Variants in GRID2 observed in about 807,000 individuals in gnomAD.
GRID2 encodes the protein glutamate ionotropic receptor delta type subunit 2, also known as glutamate receptor ionotropic, delta-2.
GRID2 carries 33 observed loss-of-function variants against 114.8 expected under a neutral mutation model. That is an observed-to-expected ratio of 0.29 (90% CI 0.22 to 0.38). GRID2 has a LOEUF of 0.38. Ranked by LOEUF, GRID2 falls within the 10% of genes least tolerant of loss-of-function variation. The pLI is 1.00. For missense variants in GRID2, 1,184 were observed against 1,257.7 expected (o/e 0.94, Z 0.89); for synonymous variants, 505 against 449.9 (o/e 1.12, Z -1.55).
chr4:92,642,950 T>C (rs757312282), intron 2 of GRID2, among the ~76,000 whole-genome samples: 3 of 151,712 alleles, frequency 2.0e-5, no homozygotes, highest in Admixed American at 6.6e-5. Context: ...TATTCTGATC[T>C]ATTGATCTGT....
At chr4:92,710,775 A>G (rs928904188) in intron 2 of GRID2, among the ~76,000 whole-genome samples, 7 of 152,328 alleles carry the variant, frequency 4.6e-5, no homozygotes, top group South Asian at 4.1e-4. Context: ...CTGTAAGTAA[A>G]TAAGAGTAAC....
At chr4:92,507,756 A>G (rs1298455913) in intron 1 of GRID2, among the ~76,000 whole-genome samples, 1 of 151,998 alleles carries the variant, frequency 6.6e-6, no homozygotes. Context: ...CTTCCTGGCA[A>G]ACAACATATA....
chr4:93,088,826 C>A (rs964068667), intron 3 of GRID2, among the ~76,000 whole-genome samples: 3 of 151,936 alleles, frequency 2.0e-5, no homozygotes, highest in Non-Finnish European at 4.4e-5. Flanking sequence ...GTAACTTGTT[C>A]ACAAAAAACA....
Position 93,110,833 on chromosome 4 carries a change from T to TAAAATG in GRID2, c.617_622dup (p.Lys206_Met207dup). 6.2e-7 allele frequency: 1 copy of TAAAATG among 1,611,202 alleles called. No individual in the cohort carries two copies. Among genetic ancestry groups the TAAAATG allele is most frequent in the South Asian group, 1.1e-5 (1 of 91,002 alleles). On this transcript the variant is annotated inframe_insertion, in exon 4 of 16. Coordinates refer to ENST00000282020, the MANE Select transcript of GRID2 (RefSeq NM_001510.4). ...TTCAGAAGGTAGAAAACAACATCAA[T>TAAAATG]AAAATGATTACCACTCTCTTTGACA...
At chr4:92,813,995 T>C (rs1349888893) in intron 2 of GRID2, among the ~76,000 whole-genome samples, 2 of 152,120 alleles carry the variant, frequency 1.3e-5, no homozygotes, top group Non-Finnish European at 2.9e-5. Flanking sequence ...CTTTGTTAAG[T>C]CATTCACAGA....
intron 2 of GRID2, among the ~76,000 whole-genome samples, chr4:92,720,810 C>G (rs956677048): frequency 1.3e-5 from 2 of 151,992 alleles, no homozygotes; most frequent in Admixed American, 6.6e-5. Flanking sequence ...GGGTATATAC[C>G]CATAAACATT....
At chr4:93,528,705 G>A (rs77506388) in intron 13 of GRID2, among the ~76,000 whole-genome samples, 6,576 of 152,108 alleles carry the variant, frequency 0.043, 269 homozygotes, top group African/African-American at 0.11. Context: ...AGACAGAAGA[G>A]ACCAATAACC....
intron 1 of GRID2, among the ~76,000 whole-genome samples, chr4:92,443,094 A>T (rs1283363242): frequency 6.6e-6 from 1 of 152,096 alleles, no homozygotes; most frequent in East Asian, 1.9e-4. Context: ...TGGGGTTGGT[A>T]CTGAGGGGAC....
At chr4:93,337,599 G>C (rs1759218346) in intron 8 of GRID2, among the ~76,000 whole-genome samples, 1 of 152,246 alleles carries the variant, frequency 6.6e-6, no homozygotes, top group Admixed American at 6.5e-5. Flanking sequence ...GCTTTGAAGG[G>C]AGGCATTATC....
intron 2 of GRID2, among the ~76,000 whole-genome samples, chr4:93,042,052 G>A (rs1186918494): frequency 6.6e-6 from 1 of 151,556 alleles, no homozygotes; most frequent in African/African-American, 2.4e-5. Context: ...ACAGGTGCCC[G>A]CCACCATGCC....
rs925496743 is a variant in GRID2, at chr4:93,593,857, G to A, written c.2194-32412G>A. ...TCCAGTTGATCGCATCGGCTCCTGA[G>A]GCTTCTGCATTCTTCACGTAGTTCT... On this transcript the variant is annotated intron_variant, in intron 13 of 15. Coordinates refer to ENST00000282020, the MANE Select transcript of GRID2 (RefSeq NM_001510.4). 1.1e-3 allele frequency among the ~76,000 whole-genome samples: 173 copies of A among 152,048 alleles called. 1 individual carries two copies. Among genetic ancestry groups the A allele is most frequent in the African/African-American group, 4.0e-3 (167 of 41,464 alleles).
intron 2 of GRID2, among the ~76,000 whole-genome samples, chr4:92,778,136 C>G (rs1738895039): frequency 6.6e-6 from 1 of 152,142 alleles, no homozygotes; most frequent in African/African-American, 2.4e-5. Flanking sequence ...CCCCTCTTCT[C>G]AACATGCTCA....
At chr4:93,379,160 A>G (rs1763633714) in intron 8 of GRID2, among the ~76,000 whole-genome samples, 1 of 152,068 alleles carries the variant, frequency 6.6e-6, no homozygotes, top group Non-Finnish European at 1.5e-5. Flanking sequence ...GCTTTATTAT[A>G]AACCAAATAT....
intron 2 of GRID2, among the ~76,000 whole-genome samples, chr4:92,651,516 A>G (rs1329030109): frequency 6.6e-6 from 1 of 152,078 alleles, no homozygotes; most frequent in African/African-American, 2.4e-5. Context: ...CTTGATTATT[A>G]AAATTCTCCA....
intron 2 of GRID2, among the ~76,000 whole-genome samples, chr4:92,774,581 T>C (rs1738697889): frequency 1.4e-5 from 2 of 138,642 alleles, no homozygotes; most frequent in African/African-American, 5.6e-5. Context: ...TCTTTCCTTT[T>C]TTTTTTTTTT....
At chr4:93,790,828 C>T (rs925032390) in intron 1 of GRID2, among the ~76,000 whole-genome samples, 2 of 152,112 alleles carry the variant, frequency 1.3e-5, no homozygotes, top group Non-Finnish European at 2.9e-5. Context: ...AGCTGTGCTA[C>T]CCTAGGCAAG....
chr4:92,833,903 T>G (rs912387423), intron 2 of GRID2: 1 of 152,216 alleles, frequency 6.6e-6, no homozygotes, highest in Non-Finnish European at 1.5e-5. Context: ...CAGCACATTT[T>G]AACTTCTTCA....
chr4:92,412,324 G>A (rs1180830335), intron 1 of GRID2, among the ~76,000 whole-genome samples: 1 of 151,594 alleles, frequency 6.6e-6, no homozygotes, highest in African/African-American at 2.4e-5. Context: ...GAATATTTGT[G>A]TTTCACTAGT....
chr4:92,770,896 A>G (rs1261991093), intron 2 of GRID2, among the ~76,000 whole-genome samples: 1 of 152,136 alleles, frequency 6.6e-6, no homozygotes, highest in African/African-American at 2.4e-5. Flanking sequence ...TTGCACATAC[A>G]ATCGCCATTT....
Sources: allele counts gnomAD v4.1 joint callset (sites outside exome capture counted in the v4.1 genomes callset), GRCh38; gene constraint gnomAD v4.1.1; transcripts MANE v1.5; gene names NCBI Gene and HGNC (gene_info 2026-07-23, HGNC 2026-07-21).